The following NRG3 variants were observed in gnomAD, a reference collection of about 807,000 sequenced individuals.
The protein encoded by NRG3 is neuregulin 3.
Under a neutral mutation model 66.9 loss-of-function variants are expected in NRG3, and 31 were observed. That is an observed-to-expected ratio of 0.46 (90% CI 0.35 to 0.63). The LOEUF (loss-of-function observed/expected upper bound fraction) is 0.63, where lower values mean the gene tolerates loss of function less well. Ranked by LOEUF, NRG3 falls within the 20% of genes least tolerant of loss-of-function variation. The pLI, the probability that NRG3 is intolerant of heterozygous loss-of-function variation, is 0.00. For missense variants in NRG3, 910 were observed against 878.9 expected, an observed-to-expected ratio of 1.04 and a Z score of -0.45; for synonymous variants, 393 against 359.4, an observed-to-expected ratio of 1.09 and a Z score of -1.06.
chr10:82,918,750 T>C (rs926343773), intron 4 of NRG3, among the ~76,000 whole-genome samples: 2 of 152,200 alleles, frequency 1.3e-5, no homozygotes, highest in Non-Finnish European at 2.9e-5. Context: ...ACTCCTGGGA[T>C]TCCTTCCCAT....
chr10:82,910,182 T>C (rs1288072704), intron 4 of NRG3, among the ~76,000 whole-genome samples: 1 of 152,200 alleles, frequency 6.6e-6, no homozygotes, highest in African/African-American at 2.4e-5. Flanking sequence ...AAGACAAATT[T>C]GTAAAGACTT....
intron 1 of NRG3, among the ~76,000 whole-genome samples, chr10:82,105,777 C>T (rs935224550): frequency 3.3e-5 from 5 of 152,074 alleles, no homozygotes; most frequent in African/African-American, 1.2e-4. Flanking sequence ...CAATCAAGAA[C>T]ACTGAGATAA....
At chr10:82,939,704 C>G (rs1848420742) in intron 4 of NRG3, among the ~76,000 whole-genome samples, 1 of 151,960 alleles carries the variant, frequency 6.6e-6, no homozygotes, top group Admixed American at 6.6e-5. Flanking sequence ...CTCCTGACCT[C>G]GTGATCCACC....
intron 4 of NRG3, among the ~76,000 whole-genome samples, chr10:82,874,992 T>C (rs1306090120): frequency 2.0e-5 from 3 of 152,186 alleles, no homozygotes; most frequent in African/African-American, 7.2e-5. Flanking sequence ...GCAAATGAAA[T>C]ATGAACCAGA....
Position 82,012,498 on chromosome 10 carries a change from T to C in NRG3, c.823+136335T>C, listed in dbSNP as rs140543313. Among the ~76,000 whole-genome samples, 1,493 of 152,316 alleles carry C rather than the reference T, an allele frequency of 9.8e-3. 35 individuals carry two copies. Among genetic ancestry groups the C allele is most frequent in the African/African-American group, 0.034 (1,399 of 41,582 alleles). ...ATGCAGATTTCTCAGCTGGCTTGAA[T>C]TTCTCCTCAGAAAATGGGTTTTTCT... is the stretch of plus-strand genomic sequence containing the variant. On this transcript the variant is annotated intron_variant, in intron 1 of 8. Coordinates refer to ENST00000372141, the MANE Select transcript of NRG3 (RefSeq NM_001010848.4).
At position 82,233,086 on chromosome 10, in the gene NRG3, T is replaced by C. The variant is rs1260306905; in HGVS notation, c.824-125653T>C. Among the ~76,000 whole-genome samples the C allele has an allele frequency of 3.9e-5, 6 of 152,250 alleles. No individual in the cohort carries two copies. In the South Asian group the frequency reaches 1.2e-3, roughly 32 times the overall value. ...CTTTCCTATCTTAAGTATTGGCGGC[T>C]GTTCGCAGTGGCTCACGCCTGTAAT... On this transcript the variant is annotated intron_variant, in intron 1 of 8. Coordinates refer to ENST00000372141, the MANE Select transcript of NRG3 (RefSeq NM_001010848.4).
In NRG3 at chr10:82,177,514, T is replaced by TTAG. The variant is rs1359338979; in HGVS notation, c.824-181224_824-181222dup. Among the ~76,000 whole-genome samples, 5 of 152,324 alleles carry TTAG rather than the reference T, an allele frequency of 3.3e-5. No homozygotes were observed. The East Asian group carries it at 9.7e-4, about 29-fold the overall frequency. Reference sequence around the variant, plus strand: ...AAGAAGTTTTTTATGTGCGTATTACTTAGAGCATAATCCAACTAAACCAGT... The same window carrying TTAG: ...AAGAAGTTTTTTATGTGCGTATTACTTAGTAGAGCATAATCCAACTAAACCAGT... On this transcript the variant is annotated intron_variant, in intron 1 of 8. Coordinates refer to ENST00000372141, the MANE Select transcript of NRG3 (RefSeq NM_001010848.4).
chr10:82,363,980 G>A (rs2084356087), intron 2 of NRG3, among the ~76,000 whole-genome samples: 1 of 151,822 alleles, frequency 6.6e-6, no homozygotes, highest in Admixed American at 6.6e-5. Flanking sequence ...TGAACATATA[G>A]TAGAATCCTA....
intron 2 of NRG3, among the ~76,000 whole-genome samples, chr10:82,403,445 C>A (rs531311057): frequency 6.6e-6 from 1 of 152,258 alleles, no homozygotes; most frequent in East Asian, 1.9e-4. Context: ...TTAGAATTAA[C>A]AATATTCCAC....
chr10:82,022,124 A>G (rs2062090982), intron 1 of NRG3, among the ~76,000 whole-genome samples: 1 of 152,052 alleles, frequency 6.6e-6, no homozygotes, highest in Non-Finnish European at 1.5e-5. Context: ...GTAATGCACT[A>G]CTTTCCAATG....
chr10:82,210,937 A>T (rs1037661011), intron 1 of NRG3, among the ~76,000 whole-genome samples: 10 of 151,486 alleles, frequency 6.6e-5, no homozygotes, highest in African/African-American at 2.4e-4. Context: ...AAAAAAAAAA[A>T]GGCTGCATAT....
intron 1 of NRG3, among the ~76,000 whole-genome samples, chr10:82,089,906 C>T (rs986577383): frequency 6.6e-6 from 1 of 152,154 alleles, no homozygotes; most frequent in Non-Finnish European, 1.5e-5. Context: ...GGCTCCTGCC[C>T]CAGTGAGGTC....
At chr10:82,797,409 C>T (rs1008043085) in intron 3 of NRG3, among the ~76,000 whole-genome samples, 10 of 152,162 alleles carry the variant, frequency 6.6e-5, no homozygotes, top group Admixed American at 5.9e-4. Flanking sequence ...TATCCAGGTG[C>T]CTTTGGGATG....
At chr10:82,048,459 A>T (rs945043763) in intron 1 of NRG3, among the ~76,000 whole-genome samples, 11 of 152,060 alleles carry the variant, frequency 7.2e-5, no homozygotes, top group Admixed American at 5.2e-4. Context: ...TCAAAACCGC[A>T]CAACTACGTG....
At chr10:82,014,785 A>G (rs745402980) in intron 1 of NRG3, among the ~76,000 whole-genome samples, 6 of 152,186 alleles carry the variant, frequency 3.9e-5, no homozygotes, top group Admixed American at 2.0e-4. Flanking sequence ...AACTAAAGGC[A>G]TGCAGTAGGA....
At chr10:82,400,978 A>G (rs1250358868) in intron 2 of NRG3, among the ~76,000 whole-genome samples, 2 of 152,138 alleles carry the variant, frequency 1.3e-5, no homozygotes, top group African/African-American at 4.8e-5. Context: ...GGGTTTGGCA[A>G]TTCAGCTTAG....
At chr10:82,599,666 T>C (rs1395474637) in intron 2 of NRG3, among the ~76,000 whole-genome samples, 1 of 151,718 alleles carries the variant, frequency 6.6e-6, no homozygotes, top group Non-Finnish European at 1.5e-5. Context: ...ATACAAAAAA[T>C]AGTCGGGCGT....
chr10:82,522,383 C>T (rs1460161542), intron 2 of NRG3, among the ~76,000 whole-genome samples: 1 of 152,030 alleles, frequency 6.6e-6, no homozygotes, highest in Non-Finnish European at 1.5e-5. Context: ...CATTGATAAG[C>T]GTTAGAATCA....
intron 1 of NRG3, among the ~76,000 whole-genome samples, chr10:82,141,035 G>T (rs2132640278): frequency 6.6e-6 from 1 of 152,118 alleles, no homozygotes; most frequent in South Asian, 2.1e-4. Flanking sequence ...ACATGTATAG[G>T]TATGGTGAGT....
Sources: allele counts gnomAD v4.1 joint callset (sites outside exome capture counted in the v4.1 genomes callset), GRCh38; gene constraint gnomAD v4.1.1; transcripts MANE v1.5; gene names NCBI Gene and HGNC (gene_info 2026-07-23, HGNC 2026-07-21).